The following LTBP1 variants were observed in gnomAD, a reference collection of about 807,000 sequenced individuals.
The protein encoded by LTBP1 is latent-transforming growth factor beta-binding protein 1.
A neutral mutation model predicts 207.6 loss-of-function variants in LTBP1; 129 were observed. The ratio of observed to expected loss-of-function variants is 0.62; its 90% CI spans 0.54 to 0.72. LTBP1 has a LOEUF of 0.72. LTBP1 is among the 30% of genes least tolerant of loss of function. The pLI is 0.00. For synonymous variants in LTBP1, 963 were observed against 833.7 expected (o/e 1.16, Z -2.67); for missense variants, 2,281 against 2,217.2 (o/e 1.03, Z -0.58).
At chr2:32,947,944 T>C (rs909233812) in intron 1 of LTBP1, 126 bp downstream of exon 1, 5 of 781,110 alleles carry the variant, frequency 6.4e-6, no homozygotes, top group African/African-American at 5.5e-5. Context: ...GGGTCGGCTT[T>C]CTCCTCCCGC....
chr2:33,286,770 T>C (rs535948673), intron 19 of LTBP1, among the ~76,000 whole-genome samples: 291 of 148,376 alleles, frequency 2.0e-3, no homozygotes, highest in African/African-American at 7.1e-3. Flanking sequence ...GATGAGTTCA[T>C]GTCCTTTGTA....
intron 3 of LTBP1, among the ~76,000 whole-genome samples, chr2:33,099,079 A>G (rs1181173181): frequency 6.6e-6 from 1 of 152,270 alleles, no homozygotes; most frequent in African/African-American, 2.4e-5. Flanking sequence ...CTCCAGATAT[A>G]TTGGCTTTAG....
At chr2:33,258,091 G>A (rs979760820) in intron 12 of LTBP1, among the ~76,000 whole-genome samples, 10 of 152,126 alleles carry the variant, frequency 6.6e-5, no homozygotes, top group East Asian at 1.9e-4. Flanking sequence ...CTGTGACCAC[G>A]GAGCACCTTT....
At position 33,275,016 on chromosome 2, in the gene LTBP1, A is replaced by C; in HGVS notation, c.2795A>C (p.Glu932Ala). 2 of 1,614,124 alleles carry C rather than the reference A, an allele frequency of 1.2e-6. No individual in the cohort carries two copies. The highest frequency in any genetic ancestry group is 1.7e-6 in the Non-Finnish European group (2 of 1,179,984). Residue 932 changes from glutamate to alanine, a missense_variant, in exon 17 of 34, where the codon GAA (glutamate) becomes GCA (alanine). By Grantham distance (107) the Glu-to-Ala change is moderately radical. Around this residue, in one of 3 missense-constraint regions of LTBP1, gnomAD observed 1,671 missense variants for 1,634.8 expected, o/e 1.02. Transcript: ENST00000404816. Reference protein sequence around the residue: ...VQHLCSQGRCENTEGSFLCIC... With the variant: ...VQHLCSQGRCANTEGSFLCIC... ...CACCTCTGCTCCCAGGGCCGCTGTG[A>C]AAACACCGAGGGAAGTTTCTTGTGC... is the stretch of plus-strand genomic sequence containing the variant.
intron 3 of LTBP1, among the ~76,000 whole-genome samples, chr2:33,102,792 TA>T (rs1313043804): frequency 1.3e-5 from 2 of 152,228 alleles, no homozygotes; most frequent in Non-Finnish European, 2.9e-5. Flanking sequence ...GCACAGTCTA[TA>T]TGTTGTATGC....
At chr2:33,251,427 G>A (rs1466644949) in intron 10 of LTBP1, among the ~76,000 whole-genome samples, 4 of 152,094 alleles carry the variant, frequency 2.6e-5, no homozygotes, top group Non-Finnish European at 5.9e-5. Context: ...TTGGGAGGCC[G>A]AGGCGTGCGG....
Position 33,078,857 on chromosome 2 carries a change from C to CTTTTTTTTTTTTTT in LTBP1, c.864-31721_864-31720insTTTTTTTTTTTTTT, listed in dbSNP as rs879714056. ...CTTCTCTTCTGTTTTCTTTTCTTTT[C>CTTTTTTTTTTTTTT]TTTTCTTTTTTTTTTTTTTTGAGAC... On this transcript the variant is annotated intron_variant, in intron 3 of 33. Transcript: ENST00000404816. Among the ~76,000 whole-genome samples, 98 of 92,142 alleles carry CTTTTTTTTTTTTTT rather than the reference C, an allele frequency of 1.1e-3. 2 individuals carry two copies. The highest frequency in any genetic ancestry group is 1.5e-3 in the Non-Finnish European group (68 of 44,630). The allele number at this position is 92,142 out of a possible 152,430, so 60.4% of individuals were successfully genotyped here. A position where few individuals can be genotyped will look rare whatever the true frequency, so the allele number is the denominator to read the frequency against.
chr2:33,230,283 T>C (rs1459141698), intron 9 of LTBP1, among the ~76,000 whole-genome samples: 1 of 152,190 alleles, frequency 6.6e-6, no homozygotes, highest in Non-Finnish European at 1.5e-5. Flanking sequence ...GAAACAACTT[T>C]TACTAATGTG....
Position 33,259,568 on chromosome 2 carries a change from T to C in LTBP1, c.2396-20T>C. On this transcript the variant is annotated intron_variant, in intron 12 of 33. Transcript: ENST00000404816. The stretch of plus-strand genomic sequence containing the variant: ...ATTGTCTTAAATGGTACTAATACCC[T>C]TTTTCTTTTCTGGTTTTAGTGGCAA... The C allele has an allele frequency of 6.3e-7, 1 of 1,587,636 alleles. No individual in the cohort carries two copies. The highest frequency in any genetic ancestry group is 8.6e-7 in the Non-Finnish European group (1 of 1,164,530).
intron 2 of LTBP1, among the ~76,000 whole-genome samples, chr2:32,972,863 G>A (rs1434980411): frequency 6.6e-6 from 1 of 152,166 alleles, no homozygotes; most frequent in East Asian, 1.9e-4. Context: ...GGAGCTATAA[G>A]TCAATTAAAC....
At chr2:33,201,358 T>C (rs2089240357) in intron 7 of LTBP1, among the ~76,000 whole-genome samples, 2 of 152,012 alleles carry the variant, frequency 1.3e-5, no homozygotes, top group South Asian at 4.1e-4. Flanking sequence ...ATCATCATTC[T>C]CAGTAAACTA....
chr2:33,246,332 G>T (rs2092508389), intron 10 of LTBP1, among the ~76,000 whole-genome samples: 1 of 152,210 alleles, frequency 6.6e-6, no homozygotes, highest in South Asian at 2.1e-4. Context: ...ATTCTGTGAA[G>T]AGCTTGATGG....
At chr2:33,278,747 T>A (rs2093497969) in intron 18 of LTBP1, among the ~76,000 whole-genome samples, 3 of 152,194 alleles carry the variant, frequency 2.0e-5, no homozygotes, top group Admixed American at 2.0e-4. Context: ...CAGAGGAGAA[T>A]GTAATGCTAT....
At chr2:33,142,012 T>A (rs2150780136) in intron 5 of LTBP1, among the ~76,000 whole-genome samples, 1 of 152,306 alleles carries the variant, frequency 6.6e-6, no homozygotes, top group African/African-American at 2.4e-5. Flanking sequence ...GTAAAGGTCT[T>A]AGATTTAAAA....
intron 3 of LTBP1, among the ~76,000 whole-genome samples, chr2:33,091,508 C>G (rs1009656874): frequency 6.6e-5 from 10 of 152,156 alleles, no homozygotes; most frequent in Non-Finnish European, 4.4e-5. Context: ...CATCTGTACT[C>G]TCTTCACTAT....
chr2:33,227,185 C>A (rs6726760), intron 9 of LTBP1, among the ~76,000 whole-genome samples: 1 of 151,782 alleles, frequency 6.6e-6, no homozygotes, highest in Non-Finnish European at 1.5e-5. Context: ...CACCAACACA[C>A]CTGACTAATT....
At chr2:33,160,234 A>T (rs2084345572) in intron 5 of LTBP1, among the ~76,000 whole-genome samples, 1 of 152,170 alleles carries the variant, frequency 6.6e-6, no homozygotes, top group South Asian at 2.1e-4. Context: ...AAAAATAACG[A>T]TTATGGACAA....
chr2:32,998,203 A>G (rs1048499815), intron 2 of LTBP1, among the ~76,000 whole-genome samples: 1 of 152,138 alleles, frequency 6.6e-6, no homozygotes, highest in Non-Finnish European at 1.5e-5. Flanking sequence ...AAGCCATTTT[A>G]ATGTACACTA....
intron 24 of LTBP1, among the ~76,000 whole-genome samples, chr2:33,319,511 A>G (rs143494863): frequency 1.3e-5 from 2 of 152,314 alleles, no homozygotes. Context: ...AATGGTAATC[A>G]GATTCCTAGG....
Sources: allele counts gnomAD v4.1 joint callset (sites outside exome capture counted in the v4.1 genomes callset), GRCh38; gene constraint gnomAD v4.1.1; regional missense constraint gnomAD v4.1.1; transcripts MANE v1.5; gene names NCBI Gene and HGNC (gene_info 2026-07-23, HGNC 2026-07-21).